Variants in CCDC60 observed in about 807,000 individuals in gnomAD.
The protein encoded by CCDC60 is coiled-coil domain containing 60.
CCDC60 carries 54 observed loss-of-function variants against 63.5 expected under a neutral mutation model. That is an observed-to-expected ratio of 0.85 (90% CI 0.68 to 1.07). The LOEUF is 1.07. Among genes scored for constraint, CCDC60 ranks in the 50% least tolerant of loss-of-function variants. The pLI, the probability that CCDC60 is intolerant of heterozygous loss-of-function variation, is 0.00. For missense variants in CCDC60, 651 were observed against 684.3 expected (o/e 0.95, Z 0.54); for synonymous variants, 206 against 238.8 (o/e 0.86, Z 1.27).
At chr12:119,535,558 T>C (rs889585439) in intron 13 of CCDC60, among the ~76,000 whole-genome samples, 1 of 152,204 alleles carries the variant, frequency 6.6e-6, no homozygotes, top group African/African-American at 2.4e-5. Flanking sequence ...TTTAGTGCTA[T>C]AAATTTTCCC....
At chr12:119,453,838 G>A (rs1477546907) in intron 2 of CCDC60, among the ~76,000 whole-genome samples, 1 of 152,008 alleles carries the variant, frequency 6.6e-6, no homozygotes, top group Non-Finnish European at 1.5e-5. Flanking sequence ...AGGAAGAGGA[G>A]GAGGAGGAGA....
intron 1 of CCDC60, among the ~76,000 whole-genome samples, chr12:119,397,322 C>A (rs1478426115): frequency 1.3e-5 from 2 of 152,200 alleles, no homozygotes; most frequent in African/African-American, 4.8e-5. Flanking sequence ...CCTTATCTGG[C>A]CCTACCCACA....
intron 2 of CCDC60, among the ~76,000 whole-genome samples, chr12:119,470,325 T>TG (rs1320919996): frequency 2.0e-5 from 3 of 152,188 alleles, no homozygotes; most frequent in Admixed American, 6.5e-5. Flanking sequence ...GTGAACTCCT[T>TG]GGGGGGTAAA....
rs1052125764 is a variant in CCDC60 at position 119,516,774 on chromosome 12, T to C, written c.968+67T>C. On this transcript the variant is annotated intron_variant, in intron 8 of 13. Coordinates refer to ENST00000327554, the MANE Select transcript of CCDC60 (RefSeq NM_178499.5). ...ATAGCAATCACATTAACAGTAGTAGTTGCCAACTGTTGAGCATTTTCTCTG... is the reference window on the plus strand; with the variant it reads ...ATAGCAATCACATTAACAGTAGTAGCTGCCAACTGTTGAGCATTTTCTCTG... 5.8e-6 allele frequency: 6 copies of C among 1,042,818 alleles called. No homozygotes were observed. In the Admixed American group the frequency reaches 6.0e-5, roughly 10 times the overall value. 64.6% of individuals were successfully genotyped at this position (1,042,818 alleles called of 1,614,324 possible).
At chr12:119,506,994 T>G (rs2136435679) in intron 7 of CCDC60, among the ~76,000 whole-genome samples, 1 of 152,204 alleles carries the variant, frequency 6.6e-6, no homozygotes, top group East Asian at 1.9e-4. Context: ...ACGGGACATC[T>G]TCCTGCTTCC....
chr12:119,517,511 G>GGGATCAGAGA (rs1952386507), intron 8 of CCDC60, among the ~76,000 whole-genome samples: 1 of 152,136 alleles, frequency 6.6e-6, no homozygotes, highest in Admixed American at 6.5e-5. Context: ...GTTGGGGATG[G>GGGATCAGAGA]GGATCAGAGA....
intron 1 of CCDC60, chr12:119,388,072 C>T (rs1307966047): frequency 6.6e-6 from 1 of 152,232 alleles, no homozygotes; most frequent in African/African-American, 2.4e-5. Flanking sequence ...TTCATCGGCT[C>T]AATGTCATCA....
intron 11 of CCDC60, among the ~76,000 whole-genome samples, chr12:119,527,276 G>A (rs1952703140): frequency 6.6e-6 from 1 of 152,044 alleles, no homozygotes; most frequent in African/African-American, 2.4e-5. Context: ...GGGGGATGGT[G>A]GGAGGAGGGG....
chr12:119,347,298 T>C (rs1055662878), intron 1 of CCDC60, among the ~76,000 whole-genome samples: 2 of 152,120 alleles, frequency 1.3e-5, no homozygotes, highest in African/African-American at 4.8e-5. Flanking sequence ...CTCTGGGGTG[T>C]GTGTGGCTGA....
chr12:119,495,798 C>T (rs918884866), intron 5 of CCDC60, among the ~76,000 whole-genome samples: 2 of 152,196 alleles, frequency 1.3e-5, no homozygotes, highest in African/African-American at 4.8e-5. Context: ...CTCTCAGGAG[C>T]TTCCATTCTA....
chr12:119,337,847 TG>T (rs1200824042), intron 1 of CCDC60, among the ~76,000 whole-genome samples: 5 of 151,956 alleles, frequency 3.3e-5, no homozygotes, highest in Admixed American at 3.3e-4. Flanking sequence ...TGTGTGTGTG[TG>T]TGTGTGTGTG....
chr12:119,471,655 G>A (rs1951061083), intron 2 of CCDC60, among the ~76,000 whole-genome samples: 2 of 152,124 alleles, frequency 1.3e-5, no homozygotes, highest in African/African-American at 2.4e-5. Context: ...TCAAACTCAG[G>A]TCTGGCTGAG....
At chr12:119,433,771 C>A in intron 2 of CCDC60, 2 of 604,158 alleles carry the variant, frequency 3.3e-6, no homozygotes, top group South Asian at 4.0e-5. Flanking sequence ...AATTCAATGG[C>A]ACCGTCCCTG....
At chr12:119,392,054 C>A (rs969421169) in intron 1 of CCDC60, among the ~76,000 whole-genome samples, 1 of 152,140 alleles carries the variant, frequency 6.6e-6, no homozygotes, top group Non-Finnish European at 1.5e-5. Context: ...CTCAGGCCCC[C>A]CTCAATCATA....
At chr12:119,523,291 A>G (rs979728484) in intron 10 of CCDC60, among the ~76,000 whole-genome samples, 1 of 152,210 alleles carries the variant, frequency 6.6e-6, no homozygotes, top group Admixed American at 6.5e-5. Flanking sequence ...AGGAGGACTA[A>G]CCCATCTTAC....
intron 1 of CCDC60, among the ~76,000 whole-genome samples, chr12:119,341,268 G>A (rs891872679): frequency 1.6e-4 from 24 of 152,008 alleles, no homozygotes; most frequent in African/African-American, 5.6e-4. Context: ...CACGAGAAGA[G>A]CGATCGGCAC....
intron 5 of CCDC60, among the ~76,000 whole-genome samples, chr12:119,494,778 C>T (rs1349690368): frequency 1.3e-5 from 2 of 151,946 alleles, no homozygotes; most frequent in Admixed American, 6.6e-5. Flanking sequence ...GACAGGAGTT[C>T]GAGACCAGCC....
intron 9 of CCDC60, 25 bp from the exon 10 acceptor site, chr12:119,522,914 T>C: frequency 1.2e-6 from 2 of 1,612,622 alleles, no homozygotes; most frequent in Non-Finnish European, 1.7e-6. Context: ...TCTGAGCAAC[T>C]TGAAACCATC....
chr12:119,375,364 G>A (rs1172067676), intron 1 of CCDC60, among the ~76,000 whole-genome samples: 2 of 152,084 alleles, frequency 1.3e-5, no homozygotes, highest in Non-Finnish European at 1.5e-5. Context: ...TCAAGCTATC[G>A]ATCACTGAAC....
Sources: allele counts gnomAD v4.1 joint callset (sites outside exome capture counted in the v4.1 genomes callset), GRCh38; gene constraint gnomAD v4.1.1; transcripts MANE v1.5; gene names NCBI Gene and HGNC (gene_info 2026-07-23, HGNC 2026-07-21).